The following BRINP2 variants were observed in gnomAD, a reference collection of about 807,000 sequenced individuals.
BRINP2 encodes the protein BMP/retinoic acid-inducible neural-specific protein 2.
Under a neutral mutation model 69.2 loss-of-function variants are expected in BRINP2, and 21 were observed. The ratio of observed to expected loss-of-function variants is 0.30; its 90% CI spans 0.22 to 0.44. BRINP2 has a LOEUF of 0.44. Among genes scored for constraint, BRINP2 ranks in the 20% least tolerant of loss-of-function variants. The probability of loss-of-function intolerance (pLI) is 1.00; values close to 1 mark genes in which losing one functional copy is unlikely to be tolerated. For synonymous variants in BRINP2, 380 were observed against 394.1 expected, an observed-to-expected ratio of 0.96 and a Z score of 0.42; for missense variants, 877 against 986.0, an observed-to-expected ratio of 0.89 and a Z score of 1.48.
chr1:177,269,971 C>T (rs1651251105), intron 4 of BRINP2, among the ~76,000 whole-genome samples: 1 of 151,954 alleles, frequency 6.6e-6, no homozygotes, highest in South Asian at 2.1e-4. Flanking sequence ...CCTGTATAGG[C>T]TCTCTTTATA....
In BRINP2 at chr1:177,278,765, C is replaced by A. The variant is rs1297559229; in HGVS notation, c.1215C>A (p.Arg405=). ...GCAAGCGCTGCCATCGCCAGCCTCGCTTCCGCCTGCCCAAGGAGAGGTGAG... is the reference window on the plus strand; with the variant it reads ...GCAAGCGCTGCCATCGCCAGCCTCGATTCCGCCTGCCCAAGGAGAGGTGAG... ...NLCKRCHRQP[R]FRLPKERSLS... The change falls in exon 7 of 8, where the codon CGC becomes CGA. Residue 405 remains arginine (R), a synonymous_variant. Transcript: ENST00000361539. 21 of 1,613,962 alleles carry A rather than the reference C, an allele frequency of 1.3e-5. No homozygotes were observed. Among genetic ancestry groups the A allele is most frequent in the Non-Finnish European group, 1.8e-5 (21 of 1,180,050 alleles).
Position 177,270,083 on chromosome 1 carries a change from G to GGT in BRINP2, c.670-3404_670-3403insTG, listed in dbSNP as rs139411453. ...TTTTCCTCACTTTGGGGCAAGGGGT[G>GGT]GGGGGGGTGGTTCTCAAGCTATTCT... On this transcript the variant is annotated intron_variant, in intron 4 of 7. Coordinates refer to ENST00000361539, the MANE Select transcript of BRINP2 (RefSeq NM_021165.4). Among the ~76,000 whole-genome samples, 8 of 27,798 alleles carry GGT rather than the reference G, an allele frequency of 2.9e-4. 1 individual carries two copies. The highest frequency in any genetic ancestry group is 6.5e-4 in the Non-Finnish European group (4 of 6,144). The allele number at this position is 27,798 out of a possible 152,430, so 18.2% of individuals were successfully genotyped here.
chr1:177,203,054 A>G (rs1008152384), intron 1 of BRINP2, among the ~76,000 whole-genome samples: 5 of 152,164 alleles, frequency 3.3e-5, no homozygotes, highest in Non-Finnish European at 7.3e-5. Flanking sequence ...ACTATTCACA[A>G]TAGCAAAGAC....
chr1:177,232,726 C>T (rs537893169), intron 2 of BRINP2, among the ~76,000 whole-genome samples: 2 of 151,680 alleles, frequency 1.3e-5, no homozygotes, highest in South Asian at 2.1e-4. Flanking sequence ...ACTGGTAAAA[C>T]ATACATCGAC....
chr1:177,182,611 A>G (rs1648294252), intron 1 of BRINP2, among the ~76,000 whole-genome samples: 1 of 152,204 alleles, frequency 6.6e-6, no homozygotes, highest in South Asian at 2.1e-4. Flanking sequence ...TAATGAAGAA[A>G]AGAAACCTGG....
intron 4 of BRINP2, 123 bp from the exon 5 acceptor site, chr1:177,273,365 T>C: frequency 1.8e-6 from 1 of 553,998 alleles, no homozygotes; most frequent in Non-Finnish European, 3.2e-6. Context: ...AAAAGGGACG[T>C]ATCACTTCTA....
rs1480718468 is a variant in BRINP2 at position 177,280,790 on chromosome 1, G to C, written c.1614G>C (p.Leu538=). The C allele has an allele frequency of 6.2e-7, 1 of 1,613,972 alleles. No homozygotes were observed. The highest frequency in any genetic ancestry group is 8.5e-7 in the Non-Finnish European group (1 of 1,180,000). ...HSIFISNDMR[L]GSWFDPSWRK... is the part of the protein sequence containing the mutation. ...TCTTCATCAGCAATGACATGCGGCTGGGCAGCTGGTTTGACCCTTCCTGGA... is the reference window on the plus strand; with the variant it reads ...TCTTCATCAGCAATGACATGCGGCTCGGCAGCTGGTTTGACCCTTCCTGGA... The change falls in exon 8 of 8, where the codon CTG becomes CTC. Residue 538 remains leucine (L), a synonymous_variant. Transcript: ENST00000361539.
intron 1 of BRINP2, among the ~76,000 whole-genome samples, chr1:177,188,193 A>C (rs1441667491): frequency 3.9e-5 from 6 of 152,210 alleles, no homozygotes; most frequent in African/African-American, 1.4e-4. Flanking sequence ...TAACTTACTC[A>C]GCTTCATATT....
At chr1:177,188,715 A>G (rs1571887258) in intron 1 of BRINP2, among the ~76,000 whole-genome samples, 1 of 152,170 alleles carries the variant, frequency 6.6e-6, no homozygotes, top group Non-Finnish European at 1.5e-5. Context: ...TTCCCACAGT[A>G]GGCTTCTTGA....
At position 177,281,341 on chromosome 1, in the gene BRINP2, A is replaced by AG; in HGVS notation, c.2166dup (p.Leu723AlafsTer17). ...GACTCTGCACTCTTGCAGCTCATTG[A>AG]GCTCAGGGACCGGGTGAACCAGCTT... On this transcript the variant is annotated frameshift_variant, in exon 8 of 8. Transcript: ENST00000361539. LOFTEE classifies it high-confidence loss of function. 1 of 1,614,152 alleles carries AG rather than the reference A, an allele frequency of 6.2e-7. No homozygotes were observed. Among genetic ancestry groups the AG allele is most frequent in the Non-Finnish European group, 8.5e-7 (1 of 1,180,034 alleles).
Position 177,281,401 on chromosome 1 carries a change from C to G in BRINP2, c.2225C>G (p.Ser742Cys). Reference protein sequence around the residue: ...PPGKVRLDLFSCLLRHRLKLA... With the variant: ...PPGKVRLDLFCCLLRHRLKLA... ...GGCAAAGTCCGACTTGACCTTTTCTCCTGCTTGCTCCGGCATCGGCTTAAG... is the reference window on the plus strand; with the variant it reads ...GGCAAAGTCCGACTTGACCTTTTCTGCTGCTTGCTCCGGCATCGGCTTAAG... The change falls in exon 8 of 8, where the codon TCC (serine) becomes TGC (cysteine). Residue 742 changes from serine to cysteine, a missense_variant. Ser to Cys is a moderately radical substitution (Grantham distance 112). This residue lies in a region of BRINP2 where 225 missense variants were observed against 218.7 expected (regional missense o/e 1.03). Transcript: ENST00000361539. The G allele has an allele frequency of 1.9e-6, 3 of 1,614,136 alleles. No individual in the cohort carries two copies. The highest frequency in any genetic ancestry group is 1.1e-5 in the South Asian group (1 of 91,090).
intron 2 of BRINP2, 63 bp from the exon 3 acceptor site, chr1:177,255,856 G>A: frequency 6.5e-7 from 1 of 1,526,736 alleles, no homozygotes; most frequent in African/African-American, 1.4e-5. Context: ...ACCTACTTCA[G>A]ATTTTATGCC....
intron 2 of BRINP2, among the ~76,000 whole-genome samples, chr1:177,251,966 G>C (rs1048662283): frequency 3.3e-5 from 5 of 152,090 alleles, no homozygotes; most frequent in African/African-American, 7.2e-5. Context: ...CCCAAAGCAA[G>C]GGGGCTGGGT....
intron 3 of BRINP2, chr1:177,256,603 C>T (rs1223156541): frequency 1.0e-6 from 1 of 985,272 alleles, no homozygotes; most frequent in East Asian, 1.1e-4. Context: ...TAGGGTGGAG[C>T]AATGTGGGCT....
At chr1:177,242,568 T>C (rs1430420293) in intron 2 of BRINP2, among the ~76,000 whole-genome samples, 1 of 152,182 alleles carries the variant, frequency 6.6e-6, no homozygotes, top group Admixed American at 6.5e-5. Flanking sequence ...ATCATCGCCA[T>C]ATGAAGTCTT....
chr1:177,273,592 T>C lies in BRINP2; in HGVS notation c.774T>C (p.Leu258=). 1 of 1,573,328 alleles carries C rather than the reference T, an allele frequency of 6.4e-7. No individual in the cohort carries two copies. The highest frequency in any genetic ancestry group is 8.6e-7 in the Non-Finnish European group (1 of 1,156,696). ...VQSPENKVQL[L]GLQVLLPEYL... ...GTCCAGAGAACAAAGTACAGTTACTTGGTAAGCAGCACTATGATGGTTTTC... is the reference window on the plus strand; with the variant it reads ...GTCCAGAGAACAAAGTACAGTTACTCGGTAAGCAGCACTATGATGGTTTTC... The change falls in exon 5 of 8, where the codon CTT becomes CTC. Residue 258 remains leucine (L), a splice_region_variant and synonymous_variant. Transcript: ENST00000361539.
chr1:177,256,184 C>G, intron 3 of BRINP2, 75 bp downstream of exon 3: 1 of 1,512,276 alleles, frequency 6.6e-7, no homozygotes. Context: ...TGTAGCGTAG[C>G]TCCAACAGTC....
intron 2 of BRINP2, among the ~76,000 whole-genome samples, chr1:177,241,682 T>A (rs1308778402): frequency 1.3e-5 from 2 of 152,218 alleles, no homozygotes; most frequent in African/African-American, 4.8e-5. Context: ...CATTTCAAAG[T>A]ACTCAAGAAT....
chr1:177,185,217 C>T (rs1019173828), intron 1 of BRINP2, among the ~76,000 whole-genome samples: 8 of 152,040 alleles, frequency 5.3e-5, no homozygotes, highest in Admixed American at 1.3e-4. Flanking sequence ...CATAGGCACT[C>T]GGAGGTTCAC....
Sources: gnomAD v4.1 joint callset for allele counts (sites outside exome capture counted in the v4.1 genomes callset) on GRCh38, gnomAD v4.1.1 for gene constraint, gnomAD v4.1.1 regional missense constraint, MANE v1.5 for transcripts, NCBI Gene and HGNC (gene_info 2026-07-23, HGNC 2026-07-21) for gene names.